Variants in COL5A1 observed in about 807,000 individuals in gnomAD.
COL5A1 encodes the protein collagen alpha-1(V) chain.
COL5A1 carries 16 observed loss-of-function variants against 263.7 expected under a neutral mutation model. The observed-to-expected ratio is 0.06, with a 90% CI of 0.04 to 0.09. COL5A1 has a LOEUF of 0.09. Among genes scored for constraint, COL5A1 ranks in the 10% least tolerant of loss-of-function variants. COL5A1 has a pLI of 1.00. For synonymous variants in COL5A1, 1,012 were observed against 1,004.5 expected (o/e 1.01, Z -0.14); for missense variants, 2,036 against 2,540.5 (o/e 0.80, Z 4.27).
At chr9:134,661,057 C>T (rs1296163848) in intron 1 of COL5A1, among the ~76,000 whole-genome samples, 2 of 152,068 alleles carry the variant, frequency 1.3e-5, no homozygotes, top group African/African-American at 4.8e-5. Context: ...AGAGTGATCT[C>T]AGCTTACCAC....
At chr9:134,839,386 C>T (rs1279631397) in intron 65 of COL5A1, among the ~76,000 whole-genome samples, 1 of 152,184 alleles carries the variant, frequency 6.6e-6, no homozygotes, top group Non-Finnish European at 1.5e-5. Context: ...ATAATTGGAG[C>T]AGAGGGGTCC....
In COL5A1 at chr9:134,678,271, T is replaced by C. The variant is rs1312374580; in HGVS notation, c.110-12641T>C. On this transcript the variant is annotated intron_variant, in intron 1 of 65. Transcript: ENST00000371817. The surrounding 1 kb of genome is among the most constrained non-coding windows in gnomAD (Gnocchi z 5.5). Reference sequence around the variant, plus strand: ...CTCTCTCACGCTGAGTTTCCTCATGTACCAGTGAAGGGGCCGACACTGTGG... The same window carrying C: ...CTCTCTCACGCTGAGTTTCCTCATGCACCAGTGAAGGGGCCGACACTGTGG... 6.6e-6 allele frequency among the ~76,000 whole-genome samples: 1 copy of C among 152,254 alleles called. No individual in the cohort carries two copies. Among genetic ancestry groups the C allele is most frequent in the African/African-American group, 2.4e-5 (1 of 41,476 alleles).
chr9:134,645,736 C>T (rs575279356), intron 1 of COL5A1, among the ~76,000 whole-genome samples: 14 of 152,340 alleles, frequency 9.2e-5, no homozygotes, highest in Admixed American at 2.0e-4. Context: ...AAGCCAGCAA[C>T]GGCCCTTCGC....
rs897037109 is a variant in COL5A1 at position 134,670,914 on chromosome 9, A to G, written c.110-19998A>G. 2.6e-5 allele frequency among the ~76,000 whole-genome samples: 4 copies of G among 152,222 alleles called. No homozygotes were observed. The South Asian group carries it at 6.2e-4, about 24-fold the overall frequency. Reference sequence around the variant, plus strand: ...CCCACCTGGTGGCTGCACTAAACGCATGTGCCTGGGCCTGCCTTCCACACT... The same window carrying G: ...CCCACCTGGTGGCTGCACTAAACGCGTGTGCCTGGGCCTGCCTTCCACACT... On this transcript the variant is annotated intron_variant, in intron 1 of 65. Coordinates refer to ENST00000371817, the MANE Select transcript of COL5A1 (RefSeq NM_000093.5).
chr9:134,767,441 C>T, intron 24 of COL5A1, 87 bp downstream of exon 24: 1 of 1,265,240 alleles, frequency 7.9e-7, no homozygotes, highest in Non-Finnish European at 1.1e-6. Flanking sequence ...CTGGTATCCA[C>T]CAGCTCTCAA....
chr9:134,783,152 C>A (rs539046402), intron 29 of COL5A1, among the ~76,000 whole-genome samples: 1 of 152,228 alleles, frequency 6.6e-6, no homozygotes, highest in African/African-American at 2.4e-5. Context: ...ACACGGCCGG[C>A]GCCCACAGGG....
At position 134,802,957 on chromosome 9, in the gene COL5A1, C is replaced by T; in HGVS notation, c.3076C>T (p.Gln1026Ter). The T allele has an allele frequency of 6.2e-7, 1 of 1,610,314 alleles. No homozygotes were observed. Among genetic ancestry groups the T allele is most frequent in the Non-Finnish European group, 8.5e-7 (1 of 1,178,850 alleles). Reference sequence around the variant, plus strand: ...TGGGCCCCCTGGACCCCCCGGTGAACAGGGGCTTCCGGGCCTTGCTGGAAA... The same window carrying T: ...TGGGCCCCCTGGACCCCCCGGTGAATAGGGGCTTCCGGGCCTTGCTGGAAA... ...HPGPPGPPGE[Q>*]GLPGLAGKEG... Residue 1026 changes from glutamine (Q) to a stop codon, truncating the protein, a stop_gained, in exon 39 of 66, where the codon CAG becomes TAG. Transcript: ENST00000371817. LOFTEE classifies it high-confidence loss of function.
chr9:134,766,741 T>C (rs1439584773), intron 22 of COL5A1, among the ~76,000 whole-genome samples: 1 of 152,232 alleles, frequency 6.6e-6, no homozygotes, highest in Admixed American at 6.5e-5. Context: ...CACGTGTTCC[T>C]TCCTGGTCGG....
In COL5A1 at chr9:134,823,428, C is replaced by T. The variant is rs1172057382; in HGVS notation, c.4657C>T (p.Pro1553Ser). Residue 1553 changes from proline (P) to serine (S), a missense_variant, in exon 61 of 66, where the codon CCG becomes TCG. Transcript: ENST00000371817. The stretch of plus-strand genomic sequence containing the variant: ...TCTTTCTCCCCAGGGTCCAACTGGC[C>T]CGAAGGGTGAGGCAGGCCACCCAGG... ...GAKGSSGPTG[P>S]KGEAGHPGPP... 3 of 1,614,186 alleles carry T rather than the reference C, an allele frequency of 1.9e-6. No homozygotes were observed. The highest frequency in any genetic ancestry group is 2.5e-6 in the Non-Finnish European group (3 of 1,180,024).
intron 26 of COL5A1, among the ~76,000 whole-genome samples, chr9:134,774,048 G>A (rs1000742698): frequency 1.3e-5 from 2 of 152,250 alleles, no homozygotes; most frequent in Non-Finnish European, 2.9e-5. Flanking sequence ...AACTGGTGCT[G>A]ACAGGTGGTT....
At chr9:134,734,111 G>A (rs1835005842) in intron 9 of COL5A1, among the ~76,000 whole-genome samples, 1 of 152,024 alleles carries the variant, frequency 6.6e-6, no homozygotes, top group Admixed American at 6.6e-5. Flanking sequence ...GGCTCCAGGA[G>A]GGGGTTGGGA....
rs891155367 is a variant in COL5A1, at chr9:134,843,931, C to T, written c.*1628C>T. ...CGGGTGAGGTCCCCTTTGGGGAACC[C>T]TTTCCTGGCCATCGAGGTCGGGGGG... On this transcript the variant is annotated 3_prime_UTR_variant, in exon 66 of 66. Transcript: ENST00000371817. The T allele has an allele frequency of 6.6e-6, 1 of 152,360 alleles. No homozygotes were observed. Among genetic ancestry groups the T allele is most frequent in the Non-Finnish European group, 1.5e-5 (1 of 68,042 alleles). 9.4% of individuals were successfully genotyped at this position (152,360 alleles called of 1,614,324 possible). A position where few individuals can be genotyped will look rare whatever the true frequency, so the allele number is the denominator to read the frequency against.
At chr9:134,724,697 A>G (rs1167413471) in intron 4 of COL5A1, among the ~76,000 whole-genome samples, 5 of 152,328 alleles carry the variant, frequency 3.3e-5, no homozygotes, top group African/African-American at 1.2e-4. Context: ...GTGACTCGCC[A>G]GGGTCAGAAG....
chr9:134,770,677 T>C (rs10745384), intron 25 of COL5A1, among the ~76,000 whole-genome samples: 88,831 of 152,160 alleles, frequency 0.58, 28,336 homozygotes, highest in East Asian at 0.92. Context: ...TAATTGTCTA[T>C]GATGAACATA....
chr9:134,670,823 C>T (rs1035156053), intron 1 of COL5A1, among the ~76,000 whole-genome samples: 4 of 152,208 alleles, frequency 2.6e-5, no homozygotes, highest in Non-Finnish European at 5.9e-5. Flanking sequence ...GTGCTGAGTC[C>T]CCACTGCGGT....
intron 11 of COL5A1, among the ~76,000 whole-genome samples, chr9:134,749,010 G>A (rs573722186): frequency 2.0e-5 from 3 of 152,314 alleles, no homozygotes; most frequent in South Asian, 2.1e-4. Context: ...AGCCCGAGGC[G>A]GGTGGATCAC....
At position 134,820,137 on chromosome 9, in the gene COL5A1, C is replaced by T. The variant is rs748869385; in HGVS notation, c.4468C>T (p.Leu1490Phe). Residue 1490 changes from leucine (L) to phenylalanine (F), a missense_variant, in exon 58 of 66, where the codon CTC becomes TTC. This residue lies in a region of COL5A1 where 1,078 missense variants were observed against 1,521.4 expected (regional missense o/e 0.71). Coordinates refer to ENST00000371817, the MANE Select transcript of COL5A1 (RefSeq NM_000093.5). Reference protein sequence around the residue: ...GEKGHPGLIGLIGPPGEQGEK... With the variant: ...GEKGHPGLIGFIGPPGEQGEK... ...ACAGGGTCATCCAGGCCTGATCGGGCTCATCGGTCCTCCGGGTGAACAGGG... is the reference window on the plus strand; with the variant it reads ...ACAGGGTCATCCAGGCCTGATCGGGTTCATCGGTCCTCCGGGTGAACAGGG... 6.2e-7 allele frequency: 1 copy of T among 1,613,948 alleles called. No individual in the cohort carries two copies. Among genetic ancestry groups the T allele is most frequent in the South Asian group, 1.1e-5 (1 of 91,086 alleles).
At chr9:134,708,793 CT>C (rs1833933814) in intron 4 of COL5A1, 1 of 457,330 alleles carries the variant, frequency 2.2e-6, no homozygotes, top group African/African-American at 2.0e-5. Context: ...GAGATTTATC[CT>C]CTCCCAGCTC....
rs1835348040 is a variant in COL5A1, at chr9:134,742,853, C to T, written c.1494+4045C>T. The stretch of plus-strand genomic sequence containing the variant: ...CCTGTGGGTCGCTGAGCAGTGTTTG[C>T]CCAGCGAAGCCCTTCCCTGGGCTCC... On this transcript the variant is annotated intron_variant, in intron 11 of 65. Coordinates refer to ENST00000371817, the MANE Select transcript of COL5A1 (RefSeq NM_000093.5). This position sits in a 1 kb window ranked among gnomAD's most constrained non-coding sequence, Gnocchi z 4.6. Among the ~76,000 whole-genome samples, 1 of 152,168 alleles carries T rather than the reference C, an allele frequency of 6.6e-6. No individual in the cohort carries two copies. The highest frequency in any genetic ancestry group is 1.5e-5 in the Non-Finnish European group (1 of 68,022).
Sources: allele counts gnomAD v4.1 joint callset (sites outside exome capture counted in the v4.1 genomes callset), GRCh38; gene constraint gnomAD v4.1.1; regional missense constraint gnomAD v4.1.1; non-coding constraint Gnocchi (gnomAD v3.1); transcripts MANE v1.5; gene names NCBI Gene and HGNC (gene_info 2026-07-23, HGNC 2026-07-21).